Variants in PRSS57 observed in about 807,000 individuals in gnomAD.
PRSS57 encodes neutrophil serine protease 4.
In PRSS57, 19 loss-of-function variants were observed where a neutral mutation model predicts 20.6. The observed-to-expected ratio is 0.92, with a 90% CI of 0.64 to 1.35. The LOEUF (loss-of-function observed/expected upper bound fraction) is 1.35. Among genes scored for constraint, PRSS57 ranks in the 40% most tolerant of loss-of-function variants. PRSS57 has a pLI of 0.00. For synonymous variants in PRSS57, 203 were observed against 176.6 expected, an observed-to-expected ratio of 1.15 and a Z score of -1.19; for missense variants, 440 against 403.7, an observed-to-expected ratio of 1.09 and a Z score of -0.77.
rs759193027 is a variant in PRSS57 at position 691,843 on chromosome 19, AC to A, written c.378+14del. On this transcript the variant is annotated intron_variant, in intron 3 of 4. Transcript: ENST00000329267. ...CAAAAACTAAACATACGTCAGATCCACCCCCGGGGCTCACCCGCAGCAGGCA... is the reference window on the plus strand; with the variant it reads ...CAAAAACTAAACATACGTCAGATCCACCCCGGGGCTCACCCGCAGCAGGCA... 3 of 1,323,568 alleles carry A rather than the reference AC, an allele frequency of 2.3e-6. No homozygotes were observed. Among genetic ancestry groups the A allele is most frequent in the East Asian group, 5.6e-5 (2 of 35,666 alleles). 82.0% of individuals were successfully genotyped at this position (1,323,568 alleles called of 1,614,324 possible). A position where few individuals can be genotyped will look rare whatever the true frequency, so the allele number is the denominator to read the frequency against.
intron 3 of PRSS57, among the ~76,000 whole-genome samples, 167 bp downstream of exon 3, chr19:691,691 C>T (rs2031652253): frequency 6.8e-6 from 1 of 146,846 alleles, no homozygotes; most frequent in South Asian, 2.2e-4. Flanking sequence ...TGGTGGCGCG[C>T]ACCTGTAATC....
Position 686,926 on chromosome 19 carries a change from G to T in PRSS57, c.641C>A (p.Ser214Ter). ...SGDSHRRGFCSADSGGPLVCR... is the reference protein window; with the variant it reads ...SGDSHRRGFC ...GGTGGAGCAGGGAGGGGATCTTACC[G>T]AGCAGAAGCCCCGTCTGTGGCTGTC... Residue 214 changes from serine to a stop codon, truncating the protein, a stop_gained and splice_region_variant, in exon 4 of 5, where the codon TCG (serine) becomes TAG (stop). Coordinates refer to ENST00000329267, the MANE Select transcript of PRSS57 (RefSeq NM_001308209.2). LOFTEE classifies it low-confidence loss of function (END_TRUNC). 1 of 1,612,968 alleles carries T rather than the reference G, an allele frequency of 6.2e-7. No individual in the cohort carries two copies.
chr19:693,324 C>A (rs1568210148), intron 2 of PRSS57, among the ~76,000 whole-genome samples: 1 of 148,836 alleles, frequency 6.7e-6, no homozygotes, highest in Non-Finnish European at 1.5e-5. Flanking sequence ...ACCTCCCAGG[C>A]TCAAGCGATC....
chr19:689,792 G>A (rs1486120779), intron 3 of PRSS57, among the ~76,000 whole-genome samples: 4 of 152,122 alleles, frequency 2.6e-5, no homozygotes, highest in East Asian at 1.9e-4. Flanking sequence ...AGTGGTACAC[G>A]CCCGTGATCC....
At chr19:691,109 C>T (rs1425595070) in intron 3 of PRSS57, 1 of 228,688 alleles carries the variant, frequency 4.4e-6, no homozygotes, top group African/African-American at 2.3e-5. Flanking sequence ...ATTCACTGGC[C>T]ATCTTGTGAA....
chr19:691,834 G>A lies in PRSS57; in HGVS notation c.378+24C>T, dbSNP rs374765658. 1.5e-4 allele frequency: 201 copies of A among 1,322,750 alleles called. 1 individual carries two copies. The highest frequency in any genetic ancestry group is 1.4e-3 in the Middle Eastern group (7 of 4,944). 81.9% of individuals were successfully genotyped at this position (1,322,750 alleles called of 1,614,324 possible). A position where few individuals can be genotyped will look rare whatever the true frequency, so the allele number is the denominator to read the frequency against. ...AGACTGTCTCAAAAACTAAACATAC[G>A]TCAGATCCACCCCCGGGGCTCACCC... On this transcript the variant is annotated intron_variant, in intron 3 of 4. Coordinates refer to ENST00000329267, the MANE Select transcript of PRSS57 (RefSeq NM_001308209.2).
intron 3 of PRSS57, among the ~76,000 whole-genome samples, chr19:688,946 G>A (rs1011432108): frequency 5.3e-5 from 8 of 152,156 alleles, no homozygotes; most frequent in East Asian, 1.9e-4. Flanking sequence ...AGGGGCCCGA[G>A]AGGCACATTC....
chr19:689,948 G>T (rs2031593431), intron 3 of PRSS57, among the ~76,000 whole-genome samples: 1 of 151,896 alleles, frequency 6.6e-6, no homozygotes, highest in Admixed American at 6.6e-5. Flanking sequence ...AGCTACTCGG[G>T]AGGCCGAGGC....
rs1409826913 is a variant in PRSS57, at chr19:685,903, A to C, written c.662T>G (p.Leu221Arg). The change falls in exon 5 of 5, where the codon CTG (leucine) becomes CGG (arginine). Residue 221 changes from leucine to arginine, a missense_variant. Transcript: ENST00000329267. ...GCCGTGAGCCCGGTTCCTGCACACCAGGGGCCCTCCGGAGTCGGCCTGGAG... is the reference window on the plus strand; with the variant it reads ...GCCGTGAGCCCGGTTCCTGCACACCCGGGGCCCTCCGGAGTCGGCCTGGAG... ...GFCSADSGGP[L>R]VCRNRAHGLV... 2 of 1,546,702 alleles carry C rather than the reference A, an allele frequency of 1.3e-6. No individual in the cohort carries two copies. Among genetic ancestry groups the C allele is most frequent in the South Asian group, 2.4e-5 (2 of 84,050 alleles).
In PRSS57 at chr19:692,149, C is replaced by T. The variant is rs2144815604; in HGVS notation, c.234-147G>A. On this transcript the variant is annotated intron_variant, in intron 2 of 4. Coordinates refer to ENST00000329267, the MANE Select transcript of PRSS57 (RefSeq NM_001308209.2). ...CTTTGGGAGGGTGAGGAGGGTGGAT[C>T]ACCTGAGGTCGGGAGTTCAAGACCA... is the stretch of plus-strand genomic sequence containing the variant. 4 of 790,070 alleles carry T rather than the reference C, an allele frequency of 5.1e-6. No individual in the cohort carries two copies. The African/African-American group carries it at 5.4e-5, about 11-fold the overall frequency. 48.9% of individuals were successfully genotyped at this position (790,070 alleles called of 1,614,324 possible). A position where few individuals can be genotyped will look rare whatever the true frequency, so the allele number is the denominator to read the frequency against.
At chr19:689,092 A>G (rs1305691714) in intron 3 of PRSS57, among the ~76,000 whole-genome samples, 2 of 151,686 alleles carry the variant, frequency 1.3e-5, no homozygotes, top group African/African-American at 2.4e-5. Context: ...GCAGGTGACA[A>G]GCAGGTGACG....
At chr19:693,877 C>T (rs1428933945) in intron 2 of PRSS57, among the ~76,000 whole-genome samples, 3 of 152,092 alleles carry the variant, frequency 2.0e-5, no homozygotes, top group African/African-American at 4.8e-5. Context: ...GTAGCTGGGA[C>T]TACAGGCGCC....
intron 3 of PRSS57, chr19:690,796 C>G (rs902729734): frequency 1.7e-5 from 6 of 344,824 alleles, no homozygotes; most frequent in Non-Finnish European, 2.8e-5. Flanking sequence ...TCTCCGTTGT[C>G]CCCATGCACA....
chr19:691,935 C>G lies in PRSS57; in HGVS notation c.301G>C (p.Val101Leu). Reference sequence around the variant, plus strand: ...GTGGTGAGAGCATCGATGCCAAACACCTGCTGGGTGGGCTCCGCAGTACTC... The same window carrying G: ...GTGGTGAGAGCATCGATGCCAAACAGCTGCTGGGTGGGCTCCGCAGTACTC... ...VLSTAEPTQQVFGIDALTTHP... is the reference protein window; with the variant it reads ...VLSTAEPTQQLFGIDALTTHP... The change falls in exon 3 of 5, where the codon GTG (valine) becomes CTG (leucine). Residue 101 changes from valine to leucine, a missense_variant. By Grantham distance (32) the Val-to-Leu change is conservative (BLOSUM62 1). Coordinates refer to ENST00000329267, the MANE Select transcript of PRSS57 (RefSeq NM_001308209.2). 7.5e-7 allele frequency: 1 copy of G among 1,334,868 alleles called. No homozygotes were observed. Among genetic ancestry groups the G allele is most frequent in the Non-Finnish European group, 9.7e-7 (1 of 1,033,036 alleles). 82.7% of individuals were successfully genotyped at this position (1,334,868 alleles called of 1,614,324 possible).
intron 4 of PRSS57, among the ~76,000 whole-genome samples, chr19:686,524 C>T (rs1463581886): frequency 6.6e-6 from 1 of 152,070 alleles, no homozygotes; most frequent in African/African-American, 2.4e-5. Context: ...CTCCTGGACT[C>T]GGGCTGCTGG....
At chr19:688,320 G>A (rs2031533201) in intron 3 of PRSS57, among the ~76,000 whole-genome samples, 1 of 151,798 alleles carries the variant, frequency 6.6e-6, no homozygotes, top group Non-Finnish European at 1.5e-5. Context: ...CAAAAGCTTT[G>A]GCTACTGGCA....
chr19:693,086 T>C (rs1404413917), intron 2 of PRSS57, among the ~76,000 whole-genome samples: 1 of 151,548 alleles, frequency 6.6e-6, no homozygotes, highest in Non-Finnish European at 1.5e-5. Context: ...CGCCACCATA[T>C]CCGGCTAATT....
At chr19:695,194 G>A (rs1370998748) in intron 1 of PRSS57, among the ~76,000 whole-genome samples, 158 bp downstream of exon 1, 1 of 152,136 alleles carries the variant, frequency 6.6e-6, no homozygotes, top group African/African-American at 2.4e-5. Flanking sequence ...ACCCCGGCCG[G>A]ATTTCCATCC....
Position 690,769 on chromosome 19 carries a change from C to A in PRSS57, c.378+1089G>T, listed in dbSNP as rs889422484. On this transcript the variant is annotated intron_variant, in intron 3 of 4. Transcript: ENST00000329267. ...AGGTAGCCACTGCCATCATCGGGGCCGTCATCCTGGCCAAGCTCTCCGTTG... is the reference window on the plus strand; with the variant it reads ...AGGTAGCCACTGCCATCATCGGGGCAGTCATCCTGGCCAAGCTCTCCGTTG... 1.1e-5 allele frequency: 4 copies of A among 348,702 alleles called. No homozygotes were observed. The East Asian group carries it at 2.2e-4, about 19-fold the overall frequency. The allele number at this position is 348,702 out of a possible 1,614,324, so 21.6% of individuals were successfully genotyped here.
Sources: gnomAD v4.1 joint callset for allele counts (sites outside exome capture counted in the v4.1 genomes callset) on GRCh38, gnomAD v4.1.1 for gene constraint, MANE v1.5 for transcripts, NCBI Gene and HGNC (gene_info 2026-07-23, HGNC 2026-07-21) for gene names.